SORCS1: variants seen among roughly 807,000 people sequenced by gnomAD.
The protein encoded by SORCS1 is sortilin related VPS10 domain containing receptor 1.
A neutral mutation model predicts 146.1 loss-of-function variants in SORCS1; 60 were observed. That is an observed-to-expected ratio of 0.41 (90% CI 0.33 to 0.51). The LOEUF is 0.51. Ranked by LOEUF, SORCS1 falls within the 20% of genes least tolerant of loss-of-function variation. The probability of loss-of-function intolerance (pLI) is 0.21; values close to 1 mark genes in which losing one functional copy is unlikely to be tolerated. For synonymous variants in SORCS1, 637 were observed against 584.0 expected, an observed-to-expected ratio of 1.09 and a Z score of -1.31; for missense variants, 1,352 against 1,487.6, an observed-to-expected ratio of 0.91 and a Z score of 1.50.
chr10:106,798,741 T>G (rs1010177250), intron 3 of SORCS1, among the ~76,000 whole-genome samples: 7 of 152,206 alleles, frequency 4.6e-5, no homozygotes, highest in Non-Finnish European at 8.8e-5. Context: ...AGTGCCGCAA[T>G]AAACATACGT....
chr10:106,820,866 CA>C (rs1454143171), intron 3 of SORCS1, among the ~76,000 whole-genome samples: 2 of 152,130 alleles, frequency 1.3e-5, no homozygotes, highest in Non-Finnish European at 2.9e-5. Flanking sequence ...GACCTCTGAC[CA>C]TTTTCCACAG....
intron 1 of SORCS1, among the ~76,000 whole-genome samples, chr10:107,155,607 A>G (rs1478880500): frequency 6.6e-6 from 1 of 152,124 alleles, no homozygotes; most frequent in Admixed American, 6.5e-5. Flanking sequence ...TTTTCCCTTT[A>G]ATGATTATAA....
At chr10:106,696,455 G>T (rs938593008) in intron 9 of SORCS1, among the ~76,000 whole-genome samples, 1 of 152,154 alleles carries the variant, frequency 6.6e-6, no homozygotes, top group Non-Finnish European at 1.5e-5. Flanking sequence ...CGGCACTGCC[G>T]TTCTGATCAC....
chr10:107,022,061 G>C (rs79335335), intron 1 of SORCS1, among the ~76,000 whole-genome samples: 13,444 of 152,090 alleles, frequency 0.088, 1,686 homozygotes, highest in African/African-American at 0.28. Flanking sequence ...GAGAAGTTTT[G>C]ATGAAATTTT....
intron 2 of SORCS1, among the ~76,000 whole-genome samples, chr10:106,916,511 T>G (rs1952433329): frequency 6.8e-6 from 1 of 147,866 alleles, no homozygotes; most frequent in South Asian, 2.1e-4. Context: ...ATGTACATAA[T>G]TATGTATTAT....
At chr10:106,792,760 A>G (rs538047297) in intron 3 of SORCS1, among the ~76,000 whole-genome samples, 1 of 152,368 alleles carries the variant, frequency 6.6e-6, no homozygotes, top group Admixed American at 6.5e-5. Flanking sequence ...GTTACACTCA[A>G]TTCATAAGTG....
chr10:106,677,500 C>A lies in SORCS1; in HGVS notation c.1741-96G>T, dbSNP rs970851179. 8.2e-6 allele frequency: 9 copies of A among 1,099,948 alleles called. No homozygotes were observed. The African/African-American group carries it at 1.1e-4, about 13-fold the overall frequency. 68.1% of individuals were successfully genotyped at this position (1,099,948 alleles called of 1,614,324 possible). ...TTCACATGAGAACAAAAATCCTTCC[C>A]ATGATAAAAATAGGTTTCCCTAAAT... On this transcript the variant is annotated intron_variant, in intron 12 of 25. Transcript: ENST00000263054.
At chr10:107,003,429 A>T (rs1335980841) in intron 1 of SORCS1, among the ~76,000 whole-genome samples, 13 of 140,526 alleles carry the variant, frequency 9.3e-5, no homozygotes, top group South Asian at 2.5e-4. Flanking sequence ...AATTCCCATA[A>T]GTGTGTGTGT....
chr10:106,635,315 G>C (rs75061701), intron 18 of SORCS1, among the ~76,000 whole-genome samples: 5,413 of 152,288 alleles, frequency 0.036, 153 homozygotes, highest in South Asian at 0.072. Flanking sequence ...AAGCATGACA[G>C]TGGCCCTCAC....
intron 2 of SORCS1, among the ~76,000 whole-genome samples, chr10:106,943,576 G>T (rs1564836554): frequency 6.6e-6 from 1 of 152,194 alleles, no homozygotes; most frequent in East Asian, 1.9e-4. Context: ...GGGAGGCCGA[G>T]GTGGCCGGAT....
intron 1 of SORCS1, among the ~76,000 whole-genome samples, chr10:107,134,925 A>T (rs534607751): frequency 1.3e-5 from 2 of 152,274 alleles, no homozygotes; most frequent in East Asian, 3.9e-4. Context: ...TGGAAAGGAG[A>T]AAAAGGTGCT....
intron 1 of SORCS1, among the ~76,000 whole-genome samples, chr10:107,110,067 C>T (rs1224646802): frequency 2.0e-5 from 3 of 152,150 alleles, no homozygotes; most frequent in Admixed American, 6.5e-5. Flanking sequence ...TCTGAAACCT[C>T]GGCAGCCTGA....
intron 24 of SORCS1, among the ~76,000 whole-genome samples, chr10:106,591,312 T>A (rs574134164): frequency 6.6e-6 from 1 of 152,106 alleles, no homozygotes; most frequent in African/African-American, 2.4e-5. Flanking sequence ...TTCCCCACAA[T>A]GTGTATATAA....
chr10:106,579,605 G>A, intron 24 of SORCS1, 131 bp from the exon 25 acceptor site: 6 of 867,258 alleles, frequency 6.9e-6, no homozygotes, highest in Non-Finnish European at 1.1e-5. Flanking sequence ...CACACAAGAT[G>A]CATGTCACAT....
chr10:106,924,053 G>A (rs533033365), intron 2 of SORCS1, among the ~76,000 whole-genome samples: 6 of 152,208 alleles, frequency 3.9e-5, no homozygotes, highest in South Asian at 2.1e-4. Context: ...TCGGGAGTTC[G>A]AGACCAGCCT....
rs150620964 is a variant in SORCS1, at chr10:107,116,713, C to T, written c.558+47256G>A. On this transcript the variant is annotated intron_variant, in intron 1 of 25. Coordinates refer to ENST00000263054, the MANE Select transcript of SORCS1 (RefSeq NM_052918.5). ...TATCAATTTTAAGATGAACAAATTC[C>T]AGGGATCAAGTCTATGGCAAGGGTG... Among the ~76,000 whole-genome samples the T allele has an allele frequency of 1.3e-3, 205 of 152,094 alleles. 2 individuals carry two copies. Among genetic ancestry groups the T allele is most frequent in the African/African-American group, 4.9e-3 (202 of 41,498 alleles).
At chr10:106,963,675 G>A (rs1349482151) in intron 1 of SORCS1, among the ~76,000 whole-genome samples, 1 of 151,786 alleles carries the variant, frequency 6.6e-6, no homozygotes, top group African/African-American at 2.4e-5. Flanking sequence ...AATCCTGGGG[G>A]GGGGCCATAC....
chr10:106,764,429 C>T (rs561883634), intron 4 of SORCS1, among the ~76,000 whole-genome samples: 1 of 152,326 alleles, frequency 6.6e-6, no homozygotes, highest in African/African-American at 2.4e-5. Context: ...CAGCCACCAG[C>T]GGAAGGCTTT....
At chr10:106,733,143 AAAAG>A (rs1856729926) in intron 5 of SORCS1, among the ~76,000 whole-genome samples, 1 of 151,204 alleles carries the variant, frequency 6.6e-6, no homozygotes, top group South Asian at 2.1e-4. Flanking sequence ...AAAGAAAAGA[AAAAG>A]AAAAAAAAGA....
Sources: gnomAD v4.1 joint callset for allele counts (sites outside exome capture counted in the v4.1 genomes callset) on GRCh38, gnomAD v4.1.1 for gene constraint, MANE v1.5 for transcripts, NCBI Gene and HGNC (gene_info 2026-07-23, HGNC 2026-07-21) for gene names.